FRA10AC1: variants seen among roughly 807,000 people sequenced by gnomAD.
FRA10AC1 encodes the protein FRA10A associated CGG repeat 1.
FRA10AC1 carries 43 observed loss-of-function variants against 56.5 expected under a neutral mutation model. That is an observed-to-expected ratio of 0.76 (90% CI 0.60 to 0.98). The LOEUF is 0.98. Among genes scored for constraint, FRA10AC1 ranks in the 50% least tolerant of loss-of-function variants. FRA10AC1 has a pLI of 0.00. For missense variants in FRA10AC1, 346 were observed against 351.8 expected (o/e 0.98, Z 0.13); for synonymous variants, 112 against 110.5 (o/e 1.01, Z -0.09).
chr10:93,694,890 A>C lies in FRA10AC1; in HGVS notation c.267T>G (p.Gly89=). Residue 89 remains glycine (G), a synonymous_variant, in exon 5 of 14, where the codon GGT becomes GGG. Transcript: ENST00000359204. ...AACGCTTGAAGTCTTCTTTTTTGCC[A>C]CCATAGTATAAAATATAGTCATTTA... is the stretch of plus-strand genomic sequence containing the variant. ...KFVNDYILYY[G]GKKEDFKRLG... 6.3e-7 allele frequency: 1 copy of C among 1,587,334 alleles called. No homozygotes were observed. Among genetic ancestry groups the C allele is most frequent in the Non-Finnish European group, 8.7e-7 (1 of 1,155,906 alleles).
At chr10:93,687,081 A>C (rs1025016782) in intron 8 of FRA10AC1, among the ~76,000 whole-genome samples, 8 of 151,946 alleles carry the variant, frequency 5.3e-5, no homozygotes, top group African/African-American at 1.9e-4. Context: ...AAAAATTAAT[A>C]AAGAAAGGAA....
Position 93,692,009 on chromosome 10 carries a change from C to T in FRA10AC1, c.465G>A (p.Lys155=), listed in dbSNP as rs1436447630. Residue 155 remains lysine, a splice_region_variant and synonymous_variant, in exon 7 of 14, where the codon AAG becomes AAA. Coordinates refer to ENST00000359204, the MANE Select transcript of FRA10AC1 (RefSeq NM_145246.5). The part of the protein sequence containing the change: ...IADLSKYKEN[K]FGFRWRVEKE... ...TTCCATAAATATGTGGAAAGCATAC[C>T]TTATTTTCTTTATATTTACTGAGAT... The T allele has an allele frequency of 1.9e-6, 3 of 1,562,622 alleles. No individual in the cohort carries two copies. In the African/African-American group the frequency reaches 4.2e-5, roughly 22 times the overall value.
intron 9 of FRA10AC1, among the ~76,000 whole-genome samples, chr10:93,684,841 TTTTC>T (rs1157673753): frequency 6.6e-6 from 1 of 152,192 alleles, no homozygotes; most frequent in Non-Finnish European, 1.5e-5. Context: ...TTCCTAAAGT[TTTTC>T]TTTATTAATA....
rs1317797876 is a variant in FRA10AC1, at chr10:93,693,689, T to TATATACACCATATATATATATATAC, written c.297-961_297-960insGTATATATATATATATGGTGTATAT. Among the ~76,000 whole-genome samples, 69 of 100,360 alleles carry TATATACACCATATATATATATATAC rather than the reference T, an allele frequency of 6.9e-4. 1 individual carries two copies. Among genetic ancestry groups the TATATACACCATATATATATATATAC allele is most frequent in the African/African-American group, 1.8e-3 (64 of 35,920 alleles). The allele number at this position is 100,360 out of a possible 152,430, so 65.8% of individuals were successfully genotyped here. ...TATATACACCATATATATATATATA[T>TATATACACCATATATATATATATAC]ACCATATATATATACACACACCATT... On this transcript the variant is annotated intron_variant, in intron 5 of 13. Transcript: ENST00000359204.
rs2059147974 is a variant in FRA10AC1 at position 93,692,846 on chromosome 10, T to C, written c.297-117A>G. The C allele has an allele frequency of 1.8e-5, 10 of 560,928 alleles. No individual in the cohort carries two copies. In the Middle Eastern group the frequency reaches 9.7e-4, roughly 54 times the overall value. The allele number at this position is 560,928 out of a possible 1,614,324, so 34.7% of individuals were successfully genotyped here. ...AAATATAATACATGAAGATAGTTTT[T>C]TGGTGAGTATAAATTTGTTCACATA... On this transcript the variant is annotated intron_variant, in intron 5 of 13. Coordinates refer to ENST00000359204, the MANE Select transcript of FRA10AC1 (RefSeq NM_145246.5).
At chr10:93,695,033 C>T in intron 4 of FRA10AC1, 96 bp from the exon 5 acceptor site, 1 of 694,450 alleles carries the variant, frequency 1.4e-6, no homozygotes, top group Non-Finnish European at 2.6e-6. Flanking sequence ...CAATATGAGT[C>T]TATTTAGCTT....
chr10:93,676,549 AAAAC>A (rs924912615), intron 12 of FRA10AC1, 100 bp downstream of exon 12: 2 of 1,400,702 alleles, frequency 1.4e-6, no homozygotes, highest in East Asian at 3.0e-5. Context: ...ATAATTAACA[AAAAC>A]AAAAAATAAT....
At chr10:93,696,409 T>A (rs2059236528) in intron 4 of FRA10AC1, among the ~76,000 whole-genome samples, 1 of 152,112 alleles carries the variant, frequency 6.6e-6, no homozygotes, top group Admixed American at 6.5e-5. Flanking sequence ...CAGAGAAAAC[T>A]GTGGTTCCCA....
rs148823401 is a variant in FRA10AC1 at position 93,694,910 on chromosome 10, C to T, written c.247G>A (p.Asp83Asn). Residue 83 changes from aspartate (D) to asparagine (N), a missense_variant, in exon 5 of 14, where the codon GAC becomes AAC. By Grantham distance (23) the Asp-to-Asn change is conservative. Coordinates refer to ENST00000359204, the MANE Select transcript of FRA10AC1 (RefSeq NM_145246.5). ...TTGCCACCATAGTATAAAATATAGT[C>T]ATTTACGAACTTTGTATGTCTTTGA... ...AYQRHTKFVNDYILYYGGKKE... is the reference protein window; with the variant it reads ...AYQRHTKFVNNYILYYGGKKE... The T allele has an allele frequency of 1.6e-4, 254 of 1,576,018 alleles. 2 individuals carry two copies. The East Asian group carries it at 5.6e-3, about 34-fold the overall frequency.
intron 10 of FRA10AC1, among the ~76,000 whole-genome samples, chr10:93,683,008 G>A (rs2058962701): frequency 6.6e-6 from 1 of 152,024 alleles, no homozygotes; most frequent in Non-Finnish European, 1.5e-5. Flanking sequence ...TTATAAAGTT[G>A]CAAAAGCTGA....
At chr10:93,678,676 A>C (rs2058882657) in intron 11 of FRA10AC1, among the ~76,000 whole-genome samples, 1 of 151,982 alleles carries the variant, frequency 6.6e-6, no homozygotes, top group Non-Finnish European at 1.5e-5. Flanking sequence ...AACAACAACA[A>C]CAACAAAATT....
At chr10:93,698,525 A>C in intron 2 of FRA10AC1, 129 bp from the exon 3 acceptor site, 1 of 538,526 alleles carries the variant, frequency 1.9e-6, no homozygotes, top group East Asian at 2.9e-5. Context: ...ACTGATCTTT[A>C]ATGAGATATT....
chr10:93,700,102 T>C lies in FRA10AC1; in HGVS notation c.5A>G (p.His2Arg), dbSNP rs148753292. The change falls in exon 2 of 14, where the codon CAT (histidine) becomes CGT (arginine). Residue 2 changes from histidine to arginine, a missense_variant. Physicochemically the swap from His to Arg is conservative, Grantham distance 29 (BLOSUM62 0). Coordinates refer to ENST00000359204, the MANE Select transcript of FRA10AC1 (RefSeq NM_145246.5). M[H>R]GHGGYDSDFS... ...ATCAGAATCATAGCCTCCATGACCA[T>C]GCATCTGTAAAGGAGTACAAAGTCA... The C allele has an allele frequency of 3.2e-6, 5 of 1,585,448 alleles. No individual in the cohort carries two copies. Among genetic ancestry groups the C allele is most frequent in the Non-Finnish European group, 4.3e-6 (5 of 1,156,082 alleles).
chr10:93,692,841 G>T, intron 5 of FRA10AC1, 112 bp from the exon 6 acceptor site: 1 of 558,330 alleles, frequency 1.8e-6, no homozygotes, highest in Middle Eastern at 3.1e-4. Context: ...CATGAAGATA[G>T]TTTTTTGGTG....
intron 4 of FRA10AC1, among the ~76,000 whole-genome samples, chr10:93,696,145 A>C (rs1294984282): frequency 6.6e-6 from 1 of 152,206 alleles, no homozygotes; most frequent in Non-Finnish European, 1.5e-5. Context: ...AAGACTCTAA[A>C]AGGTGGAAGG....
chr10:93,686,892 G>A (rs2059036961), intron 8 of FRA10AC1, among the ~76,000 whole-genome samples: 1 of 151,796 alleles, frequency 6.6e-6, no homozygotes, highest in Admixed American at 6.6e-5. Flanking sequence ...AGCATTTACT[G>A]ATTGCCTACC....
chr10:93,698,007 C>T (rs572684140), intron 4 of FRA10AC1, 129 bp downstream of exon 4: 5 of 530,454 alleles, frequency 9.4e-6, no homozygotes, highest in African/African-American at 5.9e-5. Flanking sequence ...ATGGCAAAAT[C>T]CTACATCACT....
At chr10:93,699,083 GA>G (rs2059284780) in intron 2 of FRA10AC1, among the ~76,000 whole-genome samples, 1 of 152,080 alleles carries the variant, frequency 6.6e-6, no homozygotes, top group Non-Finnish European at 1.5e-5. Context: ...CAAAAGACTG[GA>G]CACCCTGCCA....
In FRA10AC1 at chr10:93,694,981, T is replaced by G. The variant is rs972412200; in HGVS notation, c.220-44A>C. The G allele has an allele frequency of 4.9e-6, 5 of 1,024,298 alleles. No individual in the cohort carries two copies. In the African/African-American group the frequency reaches 7.8e-5, roughly 16 times the overall value. 63.5% of individuals were successfully genotyped at this position (1,024,298 alleles called of 1,614,324 possible). A position where few individuals can be genotyped will look rare whatever the true frequency, so the allele number is the denominator to read the frequency against. On this transcript the variant is annotated intron_variant, in intron 4 of 13. Transcript: ENST00000359204. ...AGGATTTTATTCTCTTAGGAGCTGT[T>G]TGGTGTCATAATATATTGCTGATTG...
Sources: allele counts gnomAD v4.1 joint callset (sites outside exome capture counted in the v4.1 genomes callset), GRCh38; gene constraint gnomAD v4.1.1; transcripts MANE v1.5; gene names NCBI Gene and HGNC (gene_info 2026-07-23, HGNC 2026-07-21).